Variants in METTL21A observed in about 807,000 individuals in gnomAD.
METTL21A encodes methyltransferase 21A, HSPA lysine.
Under a neutral mutation model 20.9 loss-of-function variants are expected in METTL21A, and 22 were observed. The observed-to-expected ratio is 1.05, with a 90% CI of 0.75 to 1.50. METTL21A has a LOEUF of 1.50. Among genes scored for constraint, METTL21A ranks in the 40% most tolerant of loss-of-function variants. The probability of loss-of-function intolerance (pLI) is 0.00; values close to 1 mark genes in which losing one functional copy is unlikely to be tolerated. For missense variants in METTL21A, 271 were observed against 266.8 expected (o/e 1.02, Z -0.11); for synonymous variants, 93 against 102.0 (o/e 0.91, Z 0.53).
rs529146425 is a variant in METTL21A, at chr2:207,581,976, G to A, written c.*171C>T. 1.2e-4 allele frequency: 81 copies of A among 701,652 alleles called. 1 individual carries two copies. Among genetic ancestry groups the A allele is most frequent in the South Asian group, 1.1e-3 (75 of 67,342 alleles). 43.5% of individuals were successfully genotyped at this position (701,652 alleles called of 1,614,324 possible). Reference sequence around the variant, plus strand: ...GGATAGATTGAGATAATAGGTTTTGGGGAGGAATTCCACAGAGGTATAGTG... The same window carrying A: ...GGATAGATTGAGATAATAGGTTTTGAGGAGGAATTCCACAGAGGTATAGTG... On this transcript the variant is annotated 3_prime_UTR_variant, in exon 4 of 4. Coordinates refer to the METTL21A transcript ENST00000425132.
downstream of METTL21A, among the ~76,000 whole-genome samples, chr2:207,604,818 T>A (rs2087807535): frequency 6.6e-6 from 1 of 152,238 alleles, no homozygotes; most frequent in Non-Finnish European, 1.5e-5. Context: ...GTATTTCATG[T>A]GAGACTCATA....
chr2:207,595,870 T>G (rs543012814), intron 3 of METTL21A, among the ~76,000 whole-genome samples: 131 of 152,318 alleles, frequency 8.6e-4, no homozygotes, highest in African/African-American at 2.8e-3. Flanking sequence ...ACCTTGCCTA[T>G]TCTAGATCTT....
exon 4 of METTL21A, chr2:207,613,244 T>G: frequency 6.2e-7 from 1 of 1,613,084 alleles, no homozygotes; most frequent in African/African-American, 1.3e-5. Flanking sequence ...GAAGAAGATC[T>G]GTGAATGTTT....
chr2:207,620,418 G>A (rs2090349180), intron 3 of METTL21A, among the ~76,000 whole-genome samples: 1 of 151,288 alleles, frequency 6.6e-6, no homozygotes, highest in Non-Finnish European at 1.5e-5. Context: ...ACTCCAGCCT[G>A]GGCAACAGAG....
upstream of METTL21A, chr2:207,625,526 A>G (rs2091019690): frequency 6.6e-6 from 1 of 152,288 alleles, no homozygotes; most frequent in African/African-American, 2.4e-5. Context: ...TCCCCAGGGT[A>G]CACGGACGAC....
chr2:207,584,116 T>G (rs778992631), intron 3 of METTL21A, among the ~76,000 whole-genome samples: 13 of 152,254 alleles, frequency 8.5e-5, no homozygotes, highest in Non-Finnish European at 1.8e-4. Flanking sequence ...ATAAAGTTAC[T>G]ATCAACACAT....
chr2:207,582,906 CA>C, intron 3 of METTL21A: 1 of 283,076 alleles, frequency 3.5e-6, no homozygotes, highest in South Asian at 3.1e-5. Context: ...AACAAACAAA[CA>C]AACAAAAAAA....
chr2:207,601,676 A>G, intron 3 of METTL21A: 1 of 214,376 alleles, frequency 4.7e-6, no homozygotes. Context: ...GTCCTCACAG[A>G]GACCACATGT....
chr2:207,616,961 G>A (rs1043076750), intron 3 of METTL21A, among the ~76,000 whole-genome samples: 1 of 152,252 alleles, frequency 6.6e-6, no homozygotes, highest in Non-Finnish European at 1.5e-5. Context: ...TTGAAGCAAG[G>A]AAAGGCAGGG....
intron 3 of METTL21A, among the ~76,000 whole-genome samples, chr2:207,619,759 T>C (rs972071831): frequency 9.4e-6 from 1 of 106,940 alleles, no homozygotes; most frequent in Non-Finnish European, 1.9e-5. Context: ...GAGAACCAGA[T>C]TGCTAGATCA....
chr2:207,621,946 T>C, intron 2 of METTL21A, 29 bp from the exon 3 acceptor site: 1 of 1,592,540 alleles, frequency 6.3e-7, no homozygotes, highest in Non-Finnish European at 8.6e-7. Flanking sequence ...TGATGACGAT[T>C]AAGGTCAACA....
downstream of METTL21A, among the ~76,000 whole-genome samples, chr2:207,604,177 C>T (rs556610483): frequency 3.3e-5 from 5 of 152,312 alleles, no homozygotes; most frequent in African/African-American, 1.2e-4. Context: ...AAAGATTGCC[C>T]ATCTTGTCAT....
intron 3 of METTL21A, among the ~76,000 whole-genome samples, chr2:207,587,892 G>A (rs918404005): frequency 6.6e-6 from 1 of 152,144 alleles, no homozygotes; most frequent in Non-Finnish European, 1.5e-5. Context: ...GCACCATAGG[G>A]TGAATATGGT....
intron 3 of METTL21A, among the ~76,000 whole-genome samples, chr2:207,590,083 G>GTTTTT (rs59126515): frequency 1.8e-4 from 14 of 76,132 alleles, no homozygotes; most frequent in African/African-American, 5.3e-4. Flanking sequence ...ATTTTGAGAA[G>GTTTTT]TTTTTTTTTT....
At chr2:207,621,546 C>G (rs1357313083) in intron 3 of METTL21A, among the ~76,000 whole-genome samples, 1 of 152,074 alleles carries the variant, frequency 6.6e-6, no homozygotes, top group Non-Finnish European at 1.5e-5. Flanking sequence ...TTGAAGGGGG[C>G]AGAGCAATCT....
chr2:207,624,139 A>T (rs1376378992), intron 2 of METTL21A, 90 bp downstream of exon 2: 1 of 1,400,408 alleles, frequency 7.1e-7, no homozygotes, highest in Non-Finnish European at 9.6e-7. Context: ...TGTGAATTAT[A>T]TCTCAATAAA....
chr2:207,607,153 G>C (rs1330812276), downstream of METTL21A, among the ~76,000 whole-genome samples: 22 of 152,046 alleles, frequency 1.4e-4, no homozygotes, highest in African/African-American at 4.8e-4. Flanking sequence ...CTTTGGGAGG[G>C]CGAGGCAGGT....
chr2:207,583,378 C>G (rs1574921575), intron 3 of METTL21A, among the ~76,000 whole-genome samples: 1 of 152,172 alleles, frequency 6.6e-6, no homozygotes, highest in Non-Finnish European at 1.5e-5. Flanking sequence ...ACTTCTTTCT[C>G]CGACAGAAAC....
At chr2:207,622,698 G>A (rs1050015990) in intron 2 of METTL21A, among the ~76,000 whole-genome samples, 2 of 152,210 alleles carry the variant, frequency 1.3e-5, no homozygotes, top group African/African-American at 4.8e-5. Flanking sequence ...CTCACCATAC[G>A]TTTTGGGCAT....
Sources: gnomAD v4.1 joint callset for allele counts (sites outside exome capture counted in the v4.1 genomes callset) on GRCh38, gnomAD v4.1.1 for gene constraint, MANE v1.5 for transcripts, NCBI Gene and HGNC (gene_info 2026-07-23, HGNC 2026-07-21) for gene names.